ARMC8: variants seen among roughly 807,000 people sequenced by gnomAD.
ARMC8 encodes the protein armadillo repeat containing 8.
Under a neutral mutation model 99.3 loss-of-function variants are expected in ARMC8, and 20 were observed. That is an observed-to-expected ratio of 0.20 (90% CI 0.14 to 0.29). The LOEUF (loss-of-function observed/expected upper bound fraction) is 0.29. Among genes scored for constraint, ARMC8 ranks in the 10% least tolerant of loss-of-function variants. ARMC8 has a pLI of 1.00. For missense variants in ARMC8, 569 were observed against 809.5 expected (o/e 0.70, Z 3.60); for synonymous variants, 263 against 278.3 (o/e 0.95, Z 0.55).
At chr3:138,201,582 C>T (rs1352230313) in intron 1 of ARMC8, among the ~76,000 whole-genome samples, 2 of 150,726 alleles carry the variant, frequency 1.3e-5, no homozygotes, top group East Asian at 4.0e-4. Flanking sequence ...GTGCCTCAGC[C>T]GCCCAAGTAG....
intron 3 of ARMC8, among the ~76,000 whole-genome samples, chr3:138,223,035 A>C (rs1194017527): frequency 6.6e-6 from 1 of 152,186 alleles, no homozygotes; most frequent in African/African-American, 2.4e-5. Context: ...TTTGAGTTTA[A>C]GATCTGGCAG....
chr3:138,231,443 G>A (rs2046022218), intron 6 of ARMC8, among the ~76,000 whole-genome samples: 1 of 151,928 alleles, frequency 6.6e-6, no homozygotes, highest in Admixed American at 6.6e-5. Context: ...AGGGAAAAAG[G>A]GAGAGCTCAC....
chr3:138,265,222 T>G (rs2048164890), intron 14 of ARMC8, among the ~76,000 whole-genome samples: 1 of 152,050 alleles, frequency 6.6e-6, no homozygotes, highest in Non-Finnish European at 1.5e-5. Context: ...AACATAACAT[T>G]TTTGGTGTTA....
chr3:138,190,738 G>T (rs116433661), intron 1 of ARMC8, among the ~76,000 whole-genome samples: 4 of 152,050 alleles, frequency 2.6e-5, no homozygotes, highest in African/African-American at 7.3e-5. Context: ...TATATATTCT[G>T]TACATCTACT....
At chr3:138,204,909 T>C (rs941569624) in intron 1 of ARMC8, among the ~76,000 whole-genome samples, 2 of 152,108 alleles carry the variant, frequency 1.3e-5, no homozygotes, top group Non-Finnish European at 2.9e-5. Context: ...ACATATCCAC[T>C]GCCAACTTGA....
chr3:138,275,621 C>A (rs2049213091), intron 18 of ARMC8, among the ~76,000 whole-genome samples: 1 of 151,948 alleles, frequency 6.6e-6, no homozygotes, highest in Non-Finnish European at 1.5e-5. Context: ...GAAACTCGCC[C>A]AAGGTCATCA....
chr3:138,238,760 A>G (rs1327094287), intron 9 of ARMC8: 2 of 152,246 alleles, frequency 1.3e-5, no homozygotes, highest in Non-Finnish European at 2.9e-5. Context: ...AACTTTCGGT[A>G]GAAGCCAACG....
intron 19 of ARMC8, among the ~76,000 whole-genome samples, chr3:138,286,172 A>T (rs1215923932): frequency 2.6e-5 from 4 of 152,148 alleles, no homozygotes; most frequent in Non-Finnish European, 5.9e-5. Flanking sequence ...CAAACTCCTG[A>T]TCTCAAATGA....
At chr3:138,269,989 T>A in intron 15 of ARMC8, 51 bp from the exon 16 acceptor site, 1 of 1,321,936 alleles carries the variant, frequency 7.6e-7, no homozygotes. Flanking sequence ...ATGTTTAGTT[T>A]GCAAACTGGA....
intron 16 of ARMC8, among the ~76,000 whole-genome samples, chr3:138,270,603 C>G (rs2048699245): frequency 2.0e-5 from 3 of 152,006 alleles, no homozygotes; most frequent in Admixed American, 1.3e-4. Flanking sequence ...TAAAGTACAA[C>G]ATGATGTTTT....
chr3:138,215,448 T>C (rs1383960230), intron 2 of ARMC8, among the ~76,000 whole-genome samples: 1 of 152,034 alleles, frequency 6.6e-6, no homozygotes, highest in Non-Finnish European at 1.5e-5. Flanking sequence ...GATCTCCTGA[T>C]CTCGTGATCC....
chr3:138,289,824 C>A (rs78401414), intron 20 of ARMC8, among the ~76,000 whole-genome samples: 3 of 151,988 alleles, frequency 2.0e-5, no homozygotes, highest in Non-Finnish European at 2.9e-5. Context: ...ATTTCTGGGC[C>A]CCATCCCTAG....
intron 5 of ARMC8, among the ~76,000 whole-genome samples, chr3:138,227,956 CCTT>C (rs1486037314): frequency 2.0e-5 from 3 of 152,246 alleles, no homozygotes; most frequent in South Asian, 4.1e-4. Context: ...ACTTTTAACT[CCTT>C]CTGCTTTCTT....
chr3:138,251,748 A>G (rs2047130988), intron 12 of ARMC8, among the ~76,000 whole-genome samples: 1 of 152,254 alleles, frequency 6.6e-6, no homozygotes, highest in Non-Finnish European at 1.5e-5. Flanking sequence ...TATTTATAAA[A>G]TAATGAATTT....
Position 138,187,520 on chromosome 3 carries a change from C to T in ARMC8, c.-35C>T. On this transcript the variant is annotated 5_prime_UTR_variant, in exon 1 of 22. Coordinates refer to ENST00000469044, the MANE Select transcript of ARMC8 (RefSeq NM_001363941.2). The stretch of plus-strand genomic sequence containing the variant: ...GCTGTCGAAAGTGCCGGCCCCCGCG[C>T]CGGCGCCTGCAGCAGCCGGGTGGGA... The T allele has an allele frequency of 6.5e-7, 1 of 1,535,304 alleles. No individual in the cohort carries two copies. Among genetic ancestry groups the T allele is most frequent in the Non-Finnish European group, 8.7e-7 (1 of 1,146,334 alleles).
intron 12 of ARMC8, among the ~76,000 whole-genome samples, chr3:138,260,861 C>T (rs1345818797): frequency 3.3e-5 from 5 of 152,168 alleles, no homozygotes; most frequent in Non-Finnish European, 7.4e-5. Context: ...TCAATCCATC[C>T]GTACTTCTAC....
chr3:138,233,065 T>A (rs1342595860), intron 6 of ARMC8, among the ~76,000 whole-genome samples: 2 of 152,216 alleles, frequency 1.3e-5, no homozygotes, highest in African/African-American at 4.8e-5. Context: ...GACCCCTGTT[T>A]TCTTTGGCTC....
intron 1 of ARMC8, chr3:138,188,407 TAAAG>T: frequency 1.3e-6 from 2 of 1,514,658 alleles, no homozygotes; most frequent in Non-Finnish European, 1.8e-6. Flanking sequence ...AAAGTTTTTT[TAAAG>T]AAAAAGACGA....
intron 10 of ARMC8, 92 bp downstream of exon 10, chr3:138,239,620 T>C: frequency 7.5e-6 from 6 of 798,468 alleles, no homozygotes; most frequent in Non-Finnish European, 1.2e-5. Context: ...TACACATTTA[T>C]CATTATGATA....
Sources: allele counts gnomAD v4.1 joint callset (sites outside exome capture counted in the v4.1 genomes callset), GRCh38; gene constraint gnomAD v4.1.1; transcripts MANE v1.5; gene names NCBI Gene and HGNC (gene_info 2026-07-23, HGNC 2026-07-21).